The following CCDC93 variants were observed in gnomAD, a reference collection of about 807,000 sequenced individuals.
The protein encoded by CCDC93 is coiled-coil domain-containing protein 93.
In CCDC93, 61 loss-of-function variants were observed where a neutral mutation model predicts 108.2. The observed-to-expected ratio is 0.56, with a 90% CI of 0.46 to 0.70. The LOEUF is 0.70. CCDC93 is among the 30% of genes least tolerant of loss of function. CCDC93 has a pLI of 0.00. For missense variants in CCDC93, 685 were observed against 764.2 expected, an observed-to-expected ratio of 0.90 and a Z score of 1.22; for synonymous variants, 276 against 260.4, an observed-to-expected ratio of 1.06 and a Z score of -0.58.
intron 1 of CCDC93, among the ~76,000 whole-genome samples, chr2:118,011,543 T>C (rs928513245): frequency 2.6e-5 from 4 of 152,334 alleles, no homozygotes; most frequent in East Asian, 1.9e-4. Context: ...TAAAGAGTAG[T>C]TGTAGTTCAA....
chr2:117,979,946 A>T (rs559406080), intron 7 of CCDC93, among the ~76,000 whole-genome samples: 1 of 152,356 alleles, frequency 6.6e-6, no homozygotes, highest in East Asian at 1.9e-4. Flanking sequence ...AGGAGGAAAG[A>T]GGGAAGCATA....
intron 22 of CCDC93, among the ~76,000 whole-genome samples, chr2:117,932,198 G>A (rs1374584404): frequency 6.6e-6 from 1 of 152,206 alleles, no homozygotes; most frequent in East Asian, 1.9e-4. Context: ...AGGGCAGTAA[G>A]AGTTACGGTA....
rs1030836965 is a variant in CCDC93, at chr2:117,923,555, G to T, written c.1843-3159C>A. 1.9e-4 allele frequency among the ~76,000 whole-genome samples: 29 copies of T among 152,350 alleles called. 1 individual carries two copies. Among genetic ancestry groups the T allele is most frequent in the Admixed American group, 3.3e-4 (5 of 15,312 alleles). On this transcript the variant is annotated intron_variant, in intron 23 of 23. Coordinates refer to ENST00000376300, the MANE Select transcript of CCDC93 (RefSeq NM_019044.5). Reference sequence around the variant, plus strand: ...TCTGAGATCAAACTGCAAGGCGGCAGTGAGGCTGGGGGAGGGGCACCCGCC... The same window carrying T: ...TCTGAGATCAAACTGCAAGGCGGCATTGAGGCTGGGGGAGGGGCACCCGCC...
intron 13 of CCDC93, chr2:117,949,713 A>G (rs1474699793): frequency 1.0e-6 from 1 of 977,496 alleles, no homozygotes; most frequent in Non-Finnish European, 1.2e-6. Flanking sequence ...ATTAAAAAAA[A>G]AAAGTTTTAA....
intron 23 of CCDC93, among the ~76,000 whole-genome samples, chr2:117,927,559 C>T (rs1394389370): frequency 2.6e-5 from 4 of 152,092 alleles, no homozygotes; most frequent in Non-Finnish European, 5.9e-5. Flanking sequence ...TTACAAGGGA[C>T]ATGAAGGACC....
intron 3 of CCDC93, among the ~76,000 whole-genome samples, chr2:118,004,696 G>A (rs754700866): frequency 1.9e-4 from 29 of 152,168 alleles, no homozygotes; most frequent in Non-Finnish European, 3.7e-4. Flanking sequence ...TAAAGAATGA[G>A]CTACCTGATG....
chr2:117,935,788 A>G (rs1328439113), intron 21 of CCDC93: 3 of 411,120 alleles, frequency 7.3e-6, no homozygotes, highest in Admixed American at 8.4e-5. Context: ...GCCTGGTCTT[A>G]TAATTGCATG....
At chr2:117,947,415 C>CTAGAA (rs1176329196) in intron 15 of CCDC93, among the ~76,000 whole-genome samples, 1 of 152,144 alleles carries the variant, frequency 6.6e-6, no homozygotes, top group Non-Finnish European at 1.5e-5. Flanking sequence ...CGCATCACCC[C>CTAGAA]CACGACTAGA....
At chr2:117,992,208 T>C (rs1558799522) in intron 6 of CCDC93, among the ~76,000 whole-genome samples, 1 of 152,190 alleles carries the variant, frequency 6.6e-6, no homozygotes, top group Non-Finnish European at 1.5e-5. Flanking sequence ...ACAATACAAA[T>C]TATAACCAGG....
intron 11 of CCDC93, among the ~76,000 whole-genome samples, chr2:117,963,911 C>T (rs2104764866): frequency 6.6e-6 from 1 of 152,332 alleles, no homozygotes; most frequent in Middle Eastern, 3.4e-3. Context: ...TTGATACGGA[C>T]TCTGAAATGT....
intron 11 of CCDC93, among the ~76,000 whole-genome samples, chr2:117,961,922 C>T (rs1219510012): frequency 6.6e-6 from 1 of 152,154 alleles, no homozygotes; most frequent in Non-Finnish European, 1.5e-5. Context: ...GGCTAAAGTG[C>T]CAATCTAATT....
At chr2:117,971,437 G>C (rs1375768751) in intron 11 of CCDC93, among the ~76,000 whole-genome samples, 1 of 152,016 alleles carries the variant, frequency 6.6e-6, no homozygotes, top group Non-Finnish European at 1.5e-5. Context: ...AAACGGGAAG[G>C]CTAGAAAATA....
chr2:118,004,516 A>G (rs1431833105), intron 3 of CCDC93, among the ~76,000 whole-genome samples: 1 of 152,242 alleles, frequency 6.6e-6, no homozygotes, highest in Non-Finnish European at 1.5e-5. Context: ...CATTAAATTG[A>G]CTAGATATAC....
chr2:117,965,273 C>T (rs1679524447), intron 11 of CCDC93, among the ~76,000 whole-genome samples: 1 of 152,066 alleles, frequency 6.6e-6, no homozygotes, highest in Non-Finnish European at 1.5e-5. Context: ...ACCGATGCTG[C>T]TAGCAAGTGG....
At chr2:117,975,549 G>T (rs1161967953) in intron 8 of CCDC93, among the ~76,000 whole-genome samples, 1 of 152,180 alleles carries the variant, frequency 6.6e-6, no homozygotes, top group Non-Finnish European at 1.5e-5. Context: ...ACTTACCCTT[G>T]CACTTTGACT....
intron 10 of CCDC93, among the ~76,000 whole-genome samples, chr2:117,974,234 G>A (rs1368467165): frequency 6.6e-6 from 1 of 152,072 alleles, no homozygotes; most frequent in African/African-American, 2.4e-5. Flanking sequence ...CGGACCCTGG[G>A]CACCCCTGGA....
intron 8 of CCDC93, among the ~76,000 whole-genome samples, 194 bp from the exon 9 acceptor site, chr2:117,975,474 G>A (rs1360116889): frequency 3.3e-5 from 5 of 152,216 alleles, no homozygotes; most frequent in Non-Finnish European, 7.3e-5. Flanking sequence ...TTCAGGAACT[G>A]GCAAATGCCT....
At chr2:117,938,584 G>A (rs928806297) in intron 20 of CCDC93, among the ~76,000 whole-genome samples, 9 of 148,640 alleles carry the variant, frequency 6.1e-5, no homozygotes, top group Non-Finnish European at 1.2e-4. Flanking sequence ...CGAAGGGAGT[G>A]ACAGTGACCC....
At chr2:117,929,600 G>T (rs1356077145) in intron 23 of CCDC93, among the ~76,000 whole-genome samples, 2 of 152,230 alleles carry the variant, frequency 1.3e-5, no homozygotes, top group African/African-American at 4.8e-5. Flanking sequence ...ACTGTCAAAA[G>T]GGTGTCTCCA....
Sources: allele counts gnomAD v4.1 joint callset (sites outside exome capture counted in the v4.1 genomes callset), GRCh38; gene constraint gnomAD v4.1.1; transcripts MANE v1.5; gene names NCBI Gene and HGNC (gene_info 2026-07-23, HGNC 2026-07-21).